GBF1: variants seen among roughly 807,000 people sequenced by gnomAD.
GBF1 encodes the protein Golgi-specific brefeldin A-resistance guanine nucleotide exchange factor 1.
GBF1 carries 114 observed loss-of-function variants against 210.5 expected under a neutral mutation model. The observed-to-expected ratio is 0.54, with a 90% CI of 0.47 to 0.63. GBF1 has a LOEUF of 0.63. Ranked by LOEUF, GBF1 falls within the 30% of genes least tolerant of loss-of-function variation. GBF1 has a pLI of 0.00. For missense variants in GBF1, 1,851 were observed against 2,357.7 expected (o/e 0.79, Z 4.45); for synonymous variants, 850 against 889.2 (o/e 0.96, Z 0.78).
the GBF1 span, chr10:102,230,940 A>C: frequency 1.2e-6 from 2 of 1,608,890 alleles, no homozygotes; most frequent in East Asian, 4.5e-5. Context: ...GCGGCGGGGC[A>C]AGAGCCTTGG....
At chr10:102,331,104 A>G (rs1304007528) in intron 3 of GBF1, among the ~76,000 whole-genome samples, 1 of 152,144 alleles carries the variant, frequency 6.6e-6, no homozygotes, top group Non-Finnish European at 1.5e-5. Flanking sequence ...TTGACCCTGA[A>G]AAAATATATC....
At chr10:102,230,937 G>A in the GBF1 span, 1 of 1,609,602 alleles carries the variant, frequency 6.2e-7, no homozygotes, top group Middle Eastern at 1.7e-4. Flanking sequence ...CGAGCGGCGG[G>A]GCAAGAGCCT....
intron 17 of GBF1, among the ~76,000 whole-genome samples, chr10:102,364,575 G>A (rs1385982017): frequency 1.3e-5 from 2 of 150,826 alleles, no homozygotes; most frequent in African/African-American, 2.4e-5. Context: ...CTGGCCGGGC[G>A]CAGTGGCTCA....
intron 12 of GBF1, 143 bp from the exon 13 acceptor site, chr10:102,360,879 G>T (rs1380778410): frequency 1.6e-6 from 1 of 634,676 alleles, no homozygotes; most frequent in Non-Finnish European, 2.8e-6. Context: ...GGAGGCTGAG[G>T]AAGGAGAATA....
At chr10:102,320,841 G>A (rs1318682158) in intron 3 of GBF1, among the ~76,000 whole-genome samples, 1 of 151,260 alleles carries the variant, frequency 6.6e-6, no homozygotes, top group South Asian at 2.1e-4. Context: ...AGACTGGAGT[G>A]CAGTGGTGCA....
intron 3 of GBF1, among the ~76,000 whole-genome samples, chr10:102,302,986 C>CTTT (rs1210930617): frequency 2.2e-4 from 28 of 125,038 alleles, no homozygotes; most frequent in Non-Finnish European, 3.4e-4. Flanking sequence ...CCATTTTAAG[C>CTTT]TTTTTTTTTT....
At chr10:102,300,059 G>A (rs1236610691) in intron 3 of GBF1, among the ~76,000 whole-genome samples, 1 of 152,188 alleles carries the variant, frequency 6.6e-6, no homozygotes. Flanking sequence ...TGATTTGGCA[G>A]GGGATCTGAG....
intron 3 of GBF1, among the ~76,000 whole-genome samples, chr10:102,325,529 C>T (rs566663815): frequency 1.1e-4 from 15 of 131,700 alleles, no homozygotes; most frequent in African/African-American, 1.4e-4. Context: ...CAAGCCTGAG[C>T]GACAGAGCAA....
chr10:102,358,317 A>G lies in GBF1; in HGVS notation c.787+131A>G, dbSNP rs1010255071. The G allele has an allele frequency of 7.7e-6, 7 of 907,256 alleles. No individual in the cohort carries two copies. The African/African-American group carries it at 1.2e-4, about 15-fold the overall frequency. The allele number at this position is 907,256 out of a possible 1,614,324, so 56.2% of individuals were successfully genotyped here. A position where few individuals can be genotyped will look rare whatever the true frequency, so the allele number is the denominator to read the frequency against. Reference sequence around the variant, plus strand: ...CGCTGAGAACAAAAAGGGAAACTCCAGGTCAAATCAGAGTGTGACCATTCA... The same window carrying G: ...CGCTGAGAACAAAAAGGGAAACTCCGGGTCAAATCAGAGTGTGACCATTCA... On this transcript the variant is annotated intron_variant, in intron 9 of 39. Transcript: ENST00000369983.
At chr10:102,358,766 C>G (rs1345505113) in intron 10 of GBF1, 37 bp downstream of exon 10, 2 of 1,336,418 alleles carry the variant, frequency 1.5e-6, no homozygotes, top group Non-Finnish European at 2.1e-6. Context: ...CTTCAGTATT[C>G]CACTGTGGGA....
chr10:102,250,134 T>G (rs555756806), intron 1 of GBF1, among the ~76,000 whole-genome samples: 42 of 152,188 alleles, frequency 2.8e-4, no homozygotes, highest in African/African-American at 8.9e-4. Flanking sequence ...CACAAAGGCA[T>G]CATGAAAAAG....
rs1469477071 is a variant in GBF1 at position 102,344,735 on chromosome 10, C to T, written c.295+553C>T. The stretch of plus-strand genomic sequence containing the variant: ...GACCTCATGATCTGCCCGCCTTGGC[C>T]TCCCAAAGTGCTGGGATTACAGGTG... On this transcript the variant is annotated intron_variant, in intron 4 of 39. Coordinates refer to ENST00000369983, the MANE Select transcript of GBF1 (RefSeq NM_001377137.1). Among the ~76,000 whole-genome samples, 3 of 152,090 alleles carry T rather than the reference C, an allele frequency of 2.0e-5. No homozygotes were observed. The East Asian group carries it at 5.8e-4, about 29-fold the overall frequency.
intron 3 of GBF1, among the ~76,000 whole-genome samples, chr10:102,310,014 T>C (rs2078268279): frequency 2.0e-5 from 3 of 152,236 alleles, no homozygotes; most frequent in African/African-American, 7.2e-5. Flanking sequence ...AGTCCTCATC[T>C]TTTCTGTTGG....
In GBF1 at chr10:102,363,674, T is replaced by A; in HGVS notation, c.2018-36T>A. 1 of 1,355,928 alleles carries A rather than the reference T, an allele frequency of 7.4e-7. No individual in the cohort carries two copies. 84.0% of individuals were successfully genotyped at this position (1,355,928 alleles called of 1,614,324 possible). On this transcript the variant is annotated intron_variant, in intron 16 of 39. Coordinates refer to ENST00000369983, the MANE Select transcript of GBF1 (RefSeq NM_001377137.1). The surrounding 1 kb of genome is among the most constrained non-coding windows in gnomAD (Gnocchi z 4.2). ...GTCCTTATCTGGGTAAAAAAAGGTG[T>A]TACAGATATTTCCCCCCTCTTCTTC...
In GBF1 at chr10:102,353,645, C is replaced by G; in HGVS notation, c.630C>G (p.Asn210Lys). 6.2e-7 allele frequency: 1 copy of G among 1,608,598 alleles called. No homozygotes were observed. ...AACCCAAGAACTATGTGGGGACCAA[C>G]ATGAAGAAGGTATGATCTGAGAGCT... Reference protein sequence around the residue: ...KEEPKNYVGTNMKKLKMRAGG... With the variant: ...KEEPKNYVGTKMKKLKMRAGG... Residue 210 changes from asparagine (N) to lysine (K), a missense_variant, in exon 8 of 40, where the codon AAC becomes AAG. Physicochemically the swap from Asn to Lys is moderately conservative, Grantham distance 94 (BLOSUM62 0). Transcript: ENST00000369983.
At chr10:102,349,169 A>G (rs2058770792) in intron 4 of GBF1, among the ~76,000 whole-genome samples, 1 of 152,070 alleles carries the variant, frequency 6.6e-6, no homozygotes, top group Non-Finnish European at 1.5e-5. Context: ...AAAAAAGAAA[A>G]AAAAAAGTTT....
intron 1 of GBF1, among the ~76,000 whole-genome samples, chr10:102,253,610 C>T (rs1239089464): frequency 1.3e-5 from 2 of 152,060 alleles, no homozygotes; most frequent in East Asian, 3.9e-4. Flanking sequence ...ACCTCCTAGG[C>T]TCAAGTGATC....
At chr10:102,326,129 G>A (rs982600613) in intron 3 of GBF1, among the ~76,000 whole-genome samples, 5 of 152,174 alleles carry the variant, frequency 3.3e-5, no homozygotes, top group African/African-American at 7.2e-5. Context: ...TATTACTATG[G>A]TTATAATTTA....
chr10:102,294,860 C>T (rs113997967), intron 3 of GBF1, among the ~76,000 whole-genome samples: 1,615 of 152,176 alleles, frequency 0.011, 28 homozygotes, highest in African/African-American at 0.037. Context: ...GGCTATACCA[C>T]GTAGGTTTGT....
Sources: gnomAD v4.1 joint callset for allele counts (sites outside exome capture counted in the v4.1 genomes callset) on GRCh38, gnomAD v4.1.1 for gene constraint, Gnocchi (gnomAD v3.1) non-coding constraint, MANE v1.5 for transcripts, NCBI Gene and HGNC (gene_info 2026-07-23, HGNC 2026-07-21) for gene names.